The following POU2AF2 variants were observed in gnomAD, a reference collection of about 807,000 sequenced individuals.
POU2AF2 encodes POU domain class 2-associating factor 2.
At chr11:111,269,221 C>T in the POU2AF2 span, among the ~76,000 whole-genome samples, 4 of 152,060 alleles carry the variant, frequency 2.6e-5, no homozygotes, top group African/African-American at 7.2e-5. Flanking sequence ...AAAAATCTTC[C>T]GAGGAGGCAG....
the POU2AF2 span, among the ~76,000 whole-genome samples, chr11:111,270,648 A>G: frequency 2.0e-5 from 3 of 152,132 alleles, no homozygotes; most frequent in Non-Finnish European, 4.4e-5. Flanking sequence ...TTTTATTTGT[A>G]AATATGTCAG....
chr11:111,249,002 T>A, the POU2AF2 span, among the ~76,000 whole-genome samples: 3 of 152,346 alleles, frequency 2.0e-5, no homozygotes, highest in East Asian at 5.8e-4. Context: ...GGAGATGACA[T>A]GACTGAGACA....
At chr11:111,264,966 A>G in the POU2AF2 span, among the ~76,000 whole-genome samples, 1 of 149,768 alleles carries the variant, frequency 6.7e-6, no homozygotes, top group African/African-American at 2.4e-5. Context: ...GGAAGGAAGG[A>G]AGGAAGAAAG....
At chr11:111,276,836 G>A in the POU2AF2 span, among the ~76,000 whole-genome samples, 2 of 150,788 alleles carry the variant, frequency 1.3e-5, no homozygotes, top group Non-Finnish European at 2.9e-5. Flanking sequence ...AATATTTTCA[G>A]ATAAATAGAA....
the POU2AF2 span, chr11:111,256,194 A>G: frequency 2.5e-6 from 1 of 397,536 alleles, no homozygotes; most frequent in Non-Finnish European, 4.4e-6. Context: ...TATTCTCAAA[A>G]CAAAGCCTTC....
chr11:111,252,934 C>T, the POU2AF2 span, among the ~76,000 whole-genome samples: 176 of 152,252 alleles, frequency 1.2e-3, no homozygotes, highest in African/African-American at 3.7e-3. Flanking sequence ...CCAGCCACCC[C>T]GCACTTCTGA....
chr11:111,246,687 A>T, the POU2AF2 span, among the ~76,000 whole-genome samples: 1 of 152,228 alleles, frequency 6.6e-6, no homozygotes, highest in Non-Finnish European at 1.5e-5. Flanking sequence ...GACAATTTTT[A>T]AAAAATAATA....
At chr11:111,264,400 G>T in the POU2AF2 span, among the ~76,000 whole-genome samples, 9 of 151,814 alleles carry the variant, frequency 5.9e-5, no homozygotes, top group African/African-American at 2.2e-4. Flanking sequence ...GGAGGCTGAG[G>T]CACAAGAATC....
At chr11:111,259,715 A>G in the POU2AF2 span, among the ~76,000 whole-genome samples, 1 of 152,236 alleles carries the variant, frequency 6.6e-6, no homozygotes, top group Non-Finnish European at 1.5e-5. Context: ...TATACCACGT[A>G]GAGATAACTT....
the POU2AF2 span, among the ~76,000 whole-genome samples, chr11:111,246,955 A>G: frequency 2.0e-5 from 3 of 151,866 alleles, no homozygotes; most frequent in Admixed American, 6.6e-5. Context: ...TCTGATCTAC[A>G]TCTCATTTCC....
At chr11:111,246,741 A>C in the POU2AF2 span, among the ~76,000 whole-genome samples, 2 of 152,206 alleles carry the variant, frequency 1.3e-5, no homozygotes, top group Non-Finnish European at 2.9e-5. Context: ...GTTATTATAT[A>C]GATACAGATA....
At chr11:111,285,935 G>A in the POU2AF2 span, 8 of 1,613,970 alleles carry the variant, frequency 5.0e-6, no homozygotes, top group Admixed American at 1.0e-4. Flanking sequence ...ACCGCCCAAG[G>A]TGGGGCCACT....
At chr11:111,255,099 A>C in the POU2AF2 span, among the ~76,000 whole-genome samples, 1 of 152,176 alleles carries the variant, frequency 6.6e-6, no homozygotes, top group African/African-American at 2.4e-5. Flanking sequence ...TCAATTTTAG[A>C]ACCTTGGGGA....
At chr11:111,284,673 C>G in the POU2AF2 span, among the ~76,000 whole-genome samples, 1 of 152,230 alleles carries the variant, frequency 6.6e-6, no homozygotes, top group African/African-American at 2.4e-5. Flanking sequence ...GATGTTCCCC[C>G]ACCCTGTTAG....
chr11:111,280,057 A>AAAAAAAGATATAT, the POU2AF2 span, among the ~76,000 whole-genome samples: 1 of 76,498 alleles, frequency 1.3e-5, no homozygotes, highest in Non-Finnish European at 2.5e-5. Context: ...AAAAAAAAAA[A>AAAAAAAGATATAT]ATATATATAT....
the POU2AF2 span, among the ~76,000 whole-genome samples, chr11:111,264,577 G>GAAAGAAAGAGAGAGA: frequency 4.4e-5 from 1 of 22,930 alleles, no homozygotes; most frequent in African/African-American, 1.5e-4. Flanking sequence ...AGAAAGAAAG[G>GAAAGAAAGAGAGAGA]GAGAGAGAAA....
At chr11:111,260,119 C>G in the POU2AF2 span, among the ~76,000 whole-genome samples, 1 of 152,168 alleles carries the variant, frequency 6.6e-6, no homozygotes, top group Non-Finnish European at 1.5e-5. Flanking sequence ...CATCATGTTA[C>G]GGGAGACACT....
At chr11:111,265,142 G>A in the POU2AF2 span, among the ~76,000 whole-genome samples, 1 of 152,080 alleles carries the variant, frequency 6.6e-6, no homozygotes, top group Admixed American at 6.6e-5. Context: ...TCCCTGTGAC[G>A]TGCAGCGGAT....
At chr11:111,268,492 ATTTTATTTTATTTT>A in the POU2AF2 span, among the ~76,000 whole-genome samples, 1 of 30,746 alleles carries the variant, frequency 3.3e-5, no homozygotes. Flanking sequence ...ATTTTATTTT[ATTTTATTTTATTTT>A]ATTTTATTTT....
Sources: gnomAD v4.1 joint callset for allele counts (sites outside exome capture counted in the v4.1 genomes callset) on GRCh38, gnomAD v4.1.1 for gene constraint, MANE v1.5 for transcripts, NCBI Gene and HGNC (gene_info 2026-07-23, HGNC 2026-07-21) for gene names.